SANBR: variants seen among roughly 807,000 people sequenced by gnomAD.
SANBR encodes SANT and BTB domain regulator of class switch recombination.
Under a neutral mutation model 101.8 loss-of-function variants are expected in SANBR, and 77 were observed. The observed-to-expected ratio is 0.76, with a 90% CI of 0.63 to 0.91. SANBR has a LOEUF of 0.91. Ranked by LOEUF, SANBR falls within the 40% of genes least tolerant of loss-of-function variation. The pLI is 0.00. For synonymous variants in SANBR, 279 were observed against 274.7 expected (o/e 1.02, Z -0.15); for missense variants, 875 against 853.0 (o/e 1.03, Z -0.32).
chr2:61,104,118 C>T, intron 13 of SANBR, 120 bp downstream of exon 13: 1 of 829,538 alleles, frequency 1.2e-6, no homozygotes, highest in Non-Finnish European at 1.9e-6. Context: ...TTTCAGAAAA[C>T]TTAACTGAAA....
intron 12 of SANBR, among the ~76,000 whole-genome samples, chr2:61,103,230 G>A (rs1287901966): frequency 6.7e-6 from 1 of 149,896 alleles, no homozygotes; most frequent in South Asian, 2.1e-4. Context: ...CGACCTCCCT[G>A]AGCTGAAGTG....
chr2:61,095,819 C>T (rs1023994173), intron 11 of SANBR, among the ~76,000 whole-genome samples: 4 of 152,168 alleles, frequency 2.6e-5, no homozygotes, highest in Non-Finnish European at 4.4e-5. Flanking sequence ...CAGGGTACCT[C>T]CTAAAAGCCC....
chr2:61,084,610 G>A (rs764111625), intron 8 of SANBR, among the ~76,000 whole-genome samples: 1 of 152,132 alleles, frequency 6.6e-6, no homozygotes, highest in Non-Finnish European at 1.5e-5. Flanking sequence ...AAAGTGGTAT[G>A]AAACGAGGTC....
At chr2:61,097,086 G>A (rs762767641) in intron 11 of SANBR, among the ~76,000 whole-genome samples, 6 of 152,122 alleles carry the variant, frequency 3.9e-5, no homozygotes, top group South Asian at 2.1e-4. Flanking sequence ...TCTGGGAGGC[G>A]GAGGTAGCAG....
chr2:61,070,631 A>G, intron 3 of SANBR, 131 bp downstream of exon 3: 1 of 580,860 alleles, frequency 1.7e-6, no homozygotes, highest in African/African-American at 2.0e-5. Flanking sequence ...CTGAATAGAC[A>G]TCTATATAAT....
rs79682252 is a variant in SANBR at position 61,117,174 on chromosome 2, T to C, written c.1837-183T>C. On this transcript the variant is annotated intron_variant, in intron 17 of 21. Transcript: ENST00000402291. ...CTTAACTTCTCTGAACCTGTTTTAT[T>C]ATGAAGATATTAATAGTGCCTGTCT... 2,080 of 600,370 alleles carry C rather than the reference T, an allele frequency of 3.5e-3. 42 individuals are homozygous for C. The East Asian group carries it at 0.037, about 11-fold the overall frequency. 37.2% of individuals were successfully genotyped at this position (600,370 alleles called of 1,614,324 possible).
At chr2:61,087,695 CA>C (rs1486464049) in intron 8 of SANBR, among the ~76,000 whole-genome samples, 1 of 151,764 alleles carries the variant, frequency 6.6e-6, no homozygotes, top group East Asian at 1.9e-4. Flanking sequence ...ACTAAAAATA[CA>C]AAAAATTTGC....
chr2:61,076,689 C>T (rs1360258293), intron 5 of SANBR, among the ~76,000 whole-genome samples: 1 of 151,318 alleles, frequency 6.6e-6, no homozygotes, highest in Non-Finnish European at 1.5e-5. Flanking sequence ...ATTATTTGTC[C>T]TGTAGTAACC....
chr2:61,090,718 TTGTGTGTGTGTGTGTG>T (rs58195165), intron 10 of SANBR: 1 of 143,140 alleles, frequency 7.0e-6, no homozygotes, highest in Non-Finnish European at 1.5e-5. Flanking sequence ...GGCACAGGGT[TTGTGTGTGTGTGTGTG>T]TGTGTGTGTG....
exon 22 of SANBR, chr2:61,137,812 C>A (rs1479212844): frequency 6.6e-6 from 1 of 152,150 alleles, no homozygotes; most frequent in Non-Finnish European, 1.5e-5. Context: ...GCTTATTATG[C>A]CCATGCATGT....
rs1012834813 is a variant in SANBR, at chr2:61,065,909, G to A, written c.-265G>A. 1.3e-5 allele frequency: 2 copies of A among 152,128 alleles called. No homozygotes were observed. Among genetic ancestry groups the A allele is most frequent in the South Asian group, 2.1e-4 (1 of 4,834 alleles). 9.4% of individuals were successfully genotyped at this position (152,128 alleles called of 1,614,324 possible). A position where few individuals can be genotyped will look rare whatever the true frequency, so the allele number is the denominator to read the frequency against. On this transcript the variant is annotated 5_prime_UTR_variant, in exon 1 of 22. In the 5' UTR this introduces an upstream ATG that the reference lacks. Coordinates refer to ENST00000402291, the MANE Select transcript of SANBR (RefSeq NM_001129993.3). ...GCCTGCAAGCGGGCGGGGGCGGGGT[G>A]TGAGGCGCTGCGGACGGGGTTGCGG... is the stretch of plus-strand genomic sequence containing the variant.
chr2:61,098,060 TA>T (rs1683113449), intron 12 of SANBR, among the ~76,000 whole-genome samples: 2 of 23,772 alleles, frequency 8.4e-5, no homozygotes, highest in Admixed American at 7.4e-4. Context: ...GCACAAATTA[TA>T]TATATATATA....
intron 12 of SANBR, among the ~76,000 whole-genome samples, chr2:61,098,295 G>T (rs1683130586): frequency 6.6e-6 from 1 of 151,844 alleles, no homozygotes; most frequent in Non-Finnish European, 1.5e-5. Flanking sequence ...TTAGAGACAG[G>T]GTTTCGCCAT....
intron 12 of SANBR, among the ~76,000 whole-genome samples, chr2:61,098,558 A>G (rs1487301564): frequency 6.6e-6 from 1 of 152,168 alleles, no homozygotes; most frequent in East Asian, 1.9e-4. Flanking sequence ...CAATTTAACC[A>G]TTCTCCTATT....
At chr2:61,114,286 G>A (rs1683970420) in intron 16 of SANBR, among the ~76,000 whole-genome samples, 1 of 152,138 alleles carries the variant, frequency 6.6e-6, no homozygotes, top group Admixed American at 6.5e-5. Flanking sequence ...CATTTATTCA[G>A]CACACATTAA....
At chr2:61,119,604 G>C (rs1438950715) in intron 20 of SANBR, among the ~76,000 whole-genome samples, 1 of 152,076 alleles carries the variant, frequency 6.6e-6, no homozygotes, top group South Asian at 2.1e-4. Context: ...TGCCAGATAA[G>C]CATATATCAT....
At position 61,072,821 on chromosome 2, in the gene SANBR, C is replaced by CTTTTTTTTTTTTTTTTTTTT. The variant is rs70959893; in HGVS notation, c.338-627_338-608dup. ...AGACTCTTGCTTGTCTCTCATGTTA[C>CTTTTTTTTTTTTTTTTTTTT]TTTTTTTTTTTTTTTTTTTTTTTTT... is the stretch of plus-strand genomic sequence containing the variant. On this transcript the variant is annotated intron_variant, in intron 4 of 21. Transcript: ENST00000402291. Among the ~76,000 whole-genome samples, 10 of 31,656 alleles carry CTTTTTTTTTTTTTTTTTTTT rather than the reference C, an allele frequency of 3.2e-4. 1 individual carries two copies. Among genetic ancestry groups the CTTTTTTTTTTTTTTTTTTTT allele is most frequent in the African/African-American group, 6.7e-4 (5 of 7,454 alleles). The allele number at this position is 31,656 out of a possible 152,430, so 20.8% of individuals were successfully genotyped here.
chr2:61,071,877 G>C (rs755365215), intron 4 of SANBR, 85 bp downstream of exon 4: 45 of 818,494 alleles, frequency 5.5e-5, no homozygotes, highest in Non-Finnish European at 8.2e-5. Context: ...TTCTTTCTTT[G>C]TTTAAAGGCT....
intron 16 of SANBR, among the ~76,000 whole-genome samples, chr2:61,112,801 TTAA>T (rs1421332428): frequency 3.9e-4 from 60 of 152,314 alleles, no homozygotes; most frequent in African/African-American, 1.4e-3. Flanking sequence ...CCTAATTTTC[TTAA>T]TGATGTATTT....
Sources: allele counts gnomAD v4.1 joint callset (sites outside exome capture counted in the v4.1 genomes callset), GRCh38; gene constraint gnomAD v4.1.1; transcripts MANE v1.5; gene names NCBI Gene and HGNC (gene_info 2026-07-23, HGNC 2026-07-21).